IK: variants seen among roughly 807,000 people sequenced by gnomAD.
The protein encoded by IK is IK cytokine, also known as protein Red.
Under a neutral mutation model 90.9 loss-of-function variants are expected in IK, and 47 were observed. That is an observed-to-expected ratio of 0.52 (90% CI 0.41 to 0.66). The LOEUF is 0.66. IK is among the 30% of genes least tolerant of loss of function. The pLI, the probability that IK is intolerant of heterozygous loss-of-function variation, is 0.00. For synonymous variants in IK, 201 were observed against 227.5 expected (o/e 0.88, Z 1.05); for missense variants, 385 against 709.3 (o/e 0.54, Z 5.19).
At position 140,659,164 on chromosome 5, in the gene IK, G is replaced by A. The variant is rs1313295756; in HGVS notation, c.1176G>A (p.Glu392=). The change falls in exon 12 of 20, where the codon GAG becomes GAA. Residue 392 remains glutamate (E), a splice_region_variant and synonymous_variant. Transcript: ENST00000417647. ...SYFEKPKVDD[E]PMDVDKGPGS... is the part of the protein sequence containing the mutation. The stretch of plus-strand genomic sequence containing the variant: ...TTGAGAAGCCAAAAGTAGATGATGA[G>A]GTGAGATGTGGGCCCTTAGTACCAG... The A allele has an allele frequency of 1.3e-6, 2 of 1,587,924 alleles. No individual in the cohort carries two copies. Among genetic ancestry groups the A allele is most frequent in the South Asian group, 2.3e-5 (2 of 88,636 alleles).
intron 2 of IK, chr5:140,648,913 C>G (rs546502316): frequency 1.1e-4 from 26 of 238,372 alleles, no homozygotes; most frequent in African/African-American, 5.1e-4. Context: ...TCTCGGCTCA[C>G]CACAACCTCC....
At chr5:140,648,217 G>A (rs767334953) in intron 1 of IK, 11 of 704,038 alleles carry the variant, frequency 1.6e-5, no homozygotes, top group South Asian at 6.0e-5. Context: ...TGGGTTGCGC[G>A]TATTTATCTT....
At chr5:140,651,464 C>T (rs1253311826) in intron 2 of IK, among the ~76,000 whole-genome samples, 1 of 136,076 alleles carries the variant, frequency 7.3e-6, no homozygotes. Context: ...AAGCTGGGTG[C>T]GGTGGCTCAT....
At chr5:140,655,712 G>T in intron 8 of IK, 117 bp from the exon 9 acceptor site, 1 of 976,258 alleles carries the variant, frequency 1.0e-6, no homozygotes, top group Middle Eastern at 3.1e-4. Flanking sequence ...CTGTTGCAAA[G>T]ATTAAATGAC....
rs73791734 is a variant in IK, at chr5:140,654,449, T to C, written c.520-67T>C. ...ATTATATTCTTAGTTCCTGGTACAG[T>C]GTGGTGTAGTGGATGTTCAATAAAT... is the stretch of plus-strand genomic sequence containing the variant. On this transcript the variant is annotated intron_variant, in intron 6 of 19. Coordinates refer to ENST00000417647, the MANE Select transcript of IK (RefSeq NM_006083.4). The C allele has an allele frequency of 1.6e-3, 1,827 of 1,159,214 alleles. 19 individuals are homozygous for C. In the African/African-American group the frequency reaches 0.024, roughly 15 times the overall value. The allele number at this position is 1,159,214 out of a possible 1,614,324, so 71.8% of individuals were successfully genotyped here. A position where few individuals can be genotyped will look rare whatever the true frequency, so the allele number is the denominator to read the frequency against.
chr5:140,651,744 A>G lies in IK; in HGVS notation c.114A>G (p.Lys38=), dbSNP rs775966223. The G allele has an allele frequency of 3.7e-6, 6 of 1,612,318 alleles. No individual in the cohort carries two copies. The South Asian group carries it at 5.5e-5, about 15-fold the overall frequency. The change falls in exon 3 of 20, where the codon AAA becomes AAG. Residue 38 remains lysine (K), a synonymous_variant. Coordinates refer to ENST00000417647, the MANE Select transcript of IK (RefSeq NM_006083.4). ...AACTCACCAATGAAGACTTCAGGAA[A>G]CTTCTCATGACCCCCAGGGCTGCAC... ...QSKLTNEDFR[K]LLMTPRAAPT...
chr5:140,657,410 C>G (rs1666366498), intron 9 of IK, 144 bp from the exon 10 acceptor site: 2 of 576,800 alleles, frequency 3.5e-6, no homozygotes, highest in African/African-American at 1.9e-5. Context: ...TGTTTTATCT[C>G]TGGAATATCC....
chr5:140,660,881 C>T, intron 16 of IK, 66 bp downstream of exon 16: 2 of 1,222,592 alleles, frequency 1.6e-6, no homozygotes, highest in Non-Finnish European at 2.4e-6. Flanking sequence ...GTATCTCCTT[C>T]CCCACTCCTA....
At chr5:140,650,133 C>T (rs1200796592) in intron 2 of IK, among the ~76,000 whole-genome samples, 1 of 152,218 alleles carries the variant, frequency 6.6e-6, no homozygotes, top group Non-Finnish European at 1.5e-5. Flanking sequence ...GCTCCACCCC[C>T]ATACCTAACC....
chr5:140,660,251 G>A (rs964456931), intron 15 of IK, 56 bp downstream of exon 15: 2 of 1,193,378 alleles, frequency 1.7e-6, no homozygotes, highest in Admixed American at 2.0e-5. Flanking sequence ...ACAAGTTGGG[G>A]GTGAAATGGA....
At position 140,660,162 on chromosome 5, in the gene IK, T is replaced by C. The variant is rs1460232815; in HGVS notation, c.1322T>C (p.Met441Thr). ...DKKQLGDFFG[M>T]SNSYAECYPA... ...AAGCAGCTGGGAGATTTCTTTGGCA[T>C]GTCCAACAGTTATGCAGAGTGCTAC... The change falls in exon 15 of 20, where the codon ATG becomes ACG. Residue 441 changes from methionine to threonine, a missense_variant. Physicochemically the swap from Met to Thr is moderately conservative, Grantham distance 81. Around this residue, in one of 8 missense-constraint regions of IK, gnomAD observed 23 missense variants for 115.2 expected, o/e 0.20. Transcript: ENST00000417647. The C allele has an allele frequency of 9.9e-6, 16 of 1,613,684 alleles. No homozygotes were observed. The highest frequency in any genetic ancestry group is 1.3e-5 in the African/African-American group (1 of 74,886).
At chr5:140,659,536 G>A (rs1260036122) in intron 13 of IK, among the ~76,000 whole-genome samples, 3 of 152,190 alleles carry the variant, frequency 2.0e-5, no homozygotes, top group Non-Finnish European at 4.4e-5. Flanking sequence ...TATAATTCCT[G>A]TGGCCCTGGG....
intron 8 of IK, 110 bp from the exon 9 acceptor site, chr5:140,655,719 T>C (rs1757698101): frequency 9.7e-7 from 1 of 1,034,324 alleles, no homozygotes; most frequent in Non-Finnish European, 1.4e-6. Flanking sequence ...AAAGATTAAA[T>C]GACGCAAAGC....
chr5:140,660,310 T>C, intron 15 of IK, 115 bp downstream of exon 15: 2 of 623,398 alleles, frequency 3.2e-6, no homozygotes, highest in Non-Finnish European at 2.7e-6. Flanking sequence ...TTTTTTTTTT[T>C]TTTTGGAGAC....
In IK at chr5:140,647,932, T is replaced by C; in HGVS notation, c.16+8T>C. On this transcript the variant is annotated splice_region_variant and intron_variant, in intron 1 of 19. Coordinates refer to ENST00000417647, the MANE Select transcript of IK (RefSeq NM_006083.4). Reference sequence around the variant, plus strand: ...AAATGCCGGAGCGAGATAGTAAGGCTCAGGCCATCCGTTATTTCTTCCCCA... The same window carrying C: ...AAATGCCGGAGCGAGATAGTAAGGCCCAGGCCATCCGTTATTTCTTCCCCA... 6.2e-7 allele frequency: 1 copy of C among 1,613,826 alleles called. No homozygotes were observed.
rs1333895891 is a variant in IK at position 140,652,095 on chromosome 5, A to G, written c.184A>G (p.Arg62Gly). 6.2e-7 allele frequency: 1 copy of G among 1,613,300 alleles called. No individual in the cohort carries two copies. The highest frequency in any genetic ancestry group is 8.5e-7 in the Non-Finnish European group (1 of 1,179,268). The change falls in exon 4 of 20, where the codon AGG becomes GGG. Residue 62 changes from arginine (R) to glycine (G), a missense_variant. Around this residue, in one of 8 missense-constraint regions of IK, gnomAD observed 64 missense variants for 144.6 expected, o/e 0.44. Transcript: ENST00000417647. ...PSKSRHHEMP[R>G]EYNEDEDPAA... is the part of the protein sequence containing the mutation. ...ATTTCTCGTCTCTTCTAGGATGCCA[A>G]GGGAGTACAATGAGGATGAAGACCC...
intron 1 of IK, 200 bp downstream of exon 1, chr5:140,648,124 A>C (rs1478154528): frequency 1.9e-5 from 14 of 727,702 alleles, no homozygotes; most frequent in Admixed American, 4.0e-5. Flanking sequence ...CTCCGTCCCC[A>C]GTCCTCACTC....
rs762057029 is a variant in IK, at chr5:140,648,007, GGTGTGTGT to G, written c.16+114_16+121del. On this transcript the variant is annotated intron_variant, in intron 1 of 19. Coordinates refer to ENST00000417647, the MANE Select transcript of IK (RefSeq NM_006083.4). ...TATTGTAGCTTCTGAGCTTAAGCCG[GGTGTGTGT>G]GTGTGTGTGTGTGTGTGTGTGTGTG... The G allele has an allele frequency of 6.1e-3, 5,714 of 931,498 alleles. 145 individuals are homozygous for G. The African/African-American group carries it at 0.083, about 14-fold the overall frequency. 57.7% of individuals were successfully genotyped at this position (931,498 alleles called of 1,614,324 possible).
intron 7 of IK, 43 bp downstream of exon 7, chr5:140,654,629 G>T (rs1234752746): frequency 6.3e-7 from 1 of 1,580,714 alleles, no homozygotes; most frequent in Non-Finnish European, 8.6e-7. Flanking sequence ...AGAAAGGTGG[G>T]ACCTAAAGTT....
Sources: allele counts gnomAD v4.1 joint callset (sites outside exome capture counted in the v4.1 genomes callset), GRCh38; gene constraint gnomAD v4.1.1; regional missense constraint gnomAD v4.1.1; transcripts MANE v1.5; gene names NCBI Gene and HGNC (gene_info 2026-07-23, HGNC 2026-07-21).